Variants in MANBA observed in about 807,000 individuals in gnomAD.
The protein encoded by MANBA is mannosidase beta, also known as beta-mannosidase.
A neutral mutation model predicts 111.1 loss-of-function variants in MANBA; 83 were observed. That is an observed-to-expected ratio of 0.75 (90% CI 0.63 to 0.90). The LOEUF (loss-of-function observed/expected upper bound fraction) is 0.90, where lower values mean the gene tolerates loss of function less well. MANBA is among the 40% of genes least tolerant of loss of function. The pLI is 0.00. For synonymous variants in MANBA, 370 were observed against 378.7 expected (o/e 0.98, Z 0.27); for missense variants, 1,036 against 1,069.0 (o/e 0.97, Z 0.43).
intron 11 of MANBA, chr4:102,663,140 T>C (rs1460589894): frequency 6.6e-6 from 1 of 151,860 alleles, no homozygotes; most frequent in Admixed American, 6.6e-5. Flanking sequence ...TAAGCAGAAA[T>C]GTGTTGTCCC....
At chr4:102,640,977 T>A (rs1183098023) in intron 13 of MANBA, among the ~76,000 whole-genome samples, 2 of 152,016 alleles carry the variant, frequency 1.3e-5, no homozygotes, top group Non-Finnish European at 2.9e-5. Flanking sequence ...CAGAAAAAAA[T>A]GATACAGCCC....
chr4:102,634,355 CA>C (rs1729518488), intron 16 of MANBA, among the ~76,000 whole-genome samples: 1 of 152,228 alleles, frequency 6.6e-6, no homozygotes, highest in Admixed American at 6.5e-5. Flanking sequence ...TTCCCAGCTA[CA>C]GGACCTCGAG....
intron 1 of MANBA, among the ~76,000 whole-genome samples, chr4:102,732,695 C>T (rs532217335): frequency 3.9e-5 from 6 of 152,294 alleles, no homozygotes; most frequent in South Asian, 4.1e-4. Flanking sequence ...TGTTAAATGC[C>T]GTGTGCCAAG....
At chr4:102,688,718 CT>C (rs1344936057) in intron 7 of MANBA, among the ~76,000 whole-genome samples, 3 of 152,174 alleles carry the variant, frequency 2.0e-5, no homozygotes, top group Non-Finnish European at 4.4e-5. Context: ...AGTAAGTAGC[CT>C]ATAGCTAATA....
At chr4:102,714,593 T>G (rs890326806) in intron 4 of MANBA, 32 bp from the exon 5 acceptor site, 3 of 1,593,794 alleles carry the variant, frequency 1.9e-6, no homozygotes, top group South Asian at 2.2e-5. Context: ...GAAGATATAT[T>G]CTGATTATGG....
At chr4:102,668,436 T>C (rs1271738535) in intron 10 of MANBA, 2 of 162,142 alleles carry the variant, frequency 1.2e-5, no homozygotes, top group Non-Finnish European at 2.7e-5. Flanking sequence ...TATTTCTAGA[T>C]CTTTTCAGTA....
chr4:102,742,373 C>T (rs1303790019), intron 1 of MANBA, among the ~76,000 whole-genome samples: 1 of 151,552 alleles, frequency 6.6e-6, no homozygotes, highest in African/African-American at 2.4e-5. Flanking sequence ...CTTCCACTTC[C>T]ATCCCTTGCT....
intron 1 of MANBA, among the ~76,000 whole-genome samples, chr4:102,740,713 C>A (rs1723371091): frequency 6.6e-6 from 1 of 151,986 alleles, no homozygotes; most frequent in African/African-American, 2.4e-5. Context: ...CCCTATTCAA[C>A]AAATGATGCT....
intron 13 of MANBA, among the ~76,000 whole-genome samples, chr4:102,646,896 C>G (rs529169106): frequency 6.6e-6 from 1 of 152,050 alleles, no homozygotes; most frequent in East Asian, 1.9e-4. Context: ...AGGATCCAAA[C>G]GTGAAGAAAT....
At chr4:102,655,807 T>C (rs1578873947) in intron 12 of MANBA, among the ~76,000 whole-genome samples, 1 of 152,072 alleles carries the variant, frequency 6.6e-6, no homozygotes, top group East Asian at 1.9e-4. Context: ...AAAATTTAAA[T>C]TTTTTGTGCT....
intron 13 of MANBA, among the ~76,000 whole-genome samples, chr4:102,643,022 G>T (rs1333045988): frequency 1.3e-5 from 2 of 152,102 alleles, no homozygotes; most frequent in African/African-American, 2.4e-5. Flanking sequence ...TTTTAGCACA[G>T]TCATAAGGTT....
At chr4:102,643,455 AC>A (rs1729967743) in intron 13 of MANBA, among the ~76,000 whole-genome samples, 2 of 152,174 alleles carry the variant, frequency 1.3e-5, no homozygotes, top group South Asian at 4.1e-4. Context: ...TCTATGTCTA[AC>A]TTTTTAAGGA....
intron 7 of MANBA, among the ~76,000 whole-genome samples, chr4:102,678,428 TG>T (rs1245278520): frequency 6.7e-6 from 1 of 149,980 alleles, no homozygotes; most frequent in Non-Finnish European, 1.5e-5. Flanking sequence ...GAGAAAATAA[TG>T]GGTTCTAAAA....
At chr4:102,653,220 G>GCACACA (rs71596357) in intron 12 of MANBA, among the ~76,000 whole-genome samples, 43 of 145,612 alleles carry the variant, frequency 3.0e-4, no homozygotes, top group Admixed American at 1.9e-3. Context: ...AGATCTACAT[G>GCACACA]CACACACACA....
At chr4:102,680,285 T>G (rs868635615) in intron 7 of MANBA, among the ~76,000 whole-genome samples, 14 of 152,350 alleles carry the variant, frequency 9.2e-5, no homozygotes, top group Non-Finnish European at 1.9e-4. Context: ...TTGTTCAAGA[T>G]GGAGTCTATT....
At chr4:102,635,738 G>C in intron 15 of MANBA, 127 bp downstream of exon 15, 2 of 960,240 alleles carry the variant, frequency 2.1e-6, no homozygotes, top group East Asian at 2.7e-5. Context: ...CAGGGTTGTA[G>C]CCTGAATATA....
Position 102,760,846 on chromosome 4 carries a change from T to C in MANBA, c.49A>G (p.Thr17Ala). The stretch of plus-strand genomic sequence containing the variant: ...AAGCTGTAACTGAGCTCCGCGGCGG[T>C]GGTGCCTGCACCGCACAGCGCGAGC... ...LLLALCGAGT[T>A]AAELSYSLRG... Residue 17 changes from threonine to alanine, a missense_variant, in exon 1 of 17, where the codon ACC becomes GCC. Transcript: ENST00000647097. 6.4e-7 allele frequency: 1 copy of C among 1,570,988 alleles called. No individual in the cohort carries two copies. The highest frequency in any genetic ancestry group is 8.6e-7 in the Non-Finnish European group (1 of 1,159,092).
At position 102,647,327 on chromosome 4, in the gene MANBA, G is replaced by A. The variant is rs141744182; in HGVS notation, c.1869+3210C>T. ...CCAATTCTGAGCCAAAGCCTGAGAG[G>A]ACACTAGTGCTAAATTCTCAGACAA... On this transcript the variant is annotated intron_variant, in intron 13 of 16. Coordinates refer to ENST00000647097, the MANE Select transcript of MANBA (RefSeq NM_005908.4). Among the ~76,000 whole-genome samples the A allele has an allele frequency of 7.3e-5, 11 of 149,676 alleles. No individual in the cohort carries two copies. The East Asian group carries it at 1.6e-3, about 21-fold the overall frequency.
chr4:102,676,158 T>C (rs1481893066), intron 7 of MANBA, among the ~76,000 whole-genome samples: 2 of 152,224 alleles, frequency 1.3e-5, no homozygotes, highest in Admixed American at 1.3e-4. Context: ...CACCTTTCTC[T>C]TGACTTTATG....
Sources: allele counts gnomAD v4.1 joint callset (sites outside exome capture counted in the v4.1 genomes callset), GRCh38; gene constraint gnomAD v4.1.1; transcripts MANE v1.5; gene names NCBI Gene and HGNC (gene_info 2026-07-23, HGNC 2026-07-21).